PDE3B: variants seen among roughly 807,000 people sequenced by gnomAD.
The protein encoded by PDE3B is cGMP-inhibited 3',5'-cyclic phosphodiesterase 3B.
PDE3B carries 66 observed loss-of-function variants against 116.8 expected under a neutral mutation model. The observed-to-expected ratio is 0.56, with a 90% CI of 0.46 to 0.69. PDE3B has a LOEUF of 0.69. Ranked by LOEUF, PDE3B falls within the 30% of genes least tolerant of loss-of-function variation. The probability of loss-of-function intolerance (pLI) is 0.00; values close to 1 mark genes in which losing one functional copy is unlikely to be tolerated. For missense variants in PDE3B, 1,384 were observed against 1,368.1 expected (o/e 1.01, Z -0.18); for synonymous variants, 595 against 533.6 (o/e 1.12, Z -1.59).
At position 14,666,128 on chromosome 11, in the gene PDE3B, G is replaced by A. The variant is rs1385876696; in HGVS notation, c.978+21075G>A. On this transcript the variant is annotated intron_variant, in intron 1 of 15. Coordinates refer to ENST00000282096, the MANE Select transcript of PDE3B (RefSeq NM_000922.4). ...GAACAGAGCCCTCAGAAATAACGCC[G>A]CATATCTACAACTATCTGATCTTTG... Among the ~76,000 whole-genome samples the A allele has an allele frequency of 1.1e-3, 160 of 148,552 alleles. 2 individuals are homozygous for A. The highest frequency in any genetic ancestry group is 7.1e-3 in the South Asian group (33 of 4,624).
intron 1 of PDE3B, among the ~76,000 whole-genome samples, chr11:14,686,696 G>GA (rs1373331099): frequency 6.6e-6 from 1 of 151,890 alleles, no homozygotes; most frequent in African/African-American, 2.4e-5. Context: ...TTAACAAACT[G>GA]AATATCATTC....
chr11:14,711,274 CCTT>C (rs1310278174), intron 1 of PDE3B, among the ~76,000 whole-genome samples: 3 of 152,064 alleles, frequency 2.0e-5, no homozygotes, highest in Admixed American at 2.0e-4. Context: ...CTTTAATGTC[CCTT>C]CTTATATGAC....
intron 12 of PDE3B, among the ~76,000 whole-genome samples, chr11:14,850,945 C>T (rs1395214915): frequency 6.6e-6 from 1 of 150,818 alleles, no homozygotes; most frequent in Non-Finnish European, 1.5e-5. Flanking sequence ...TATCCTGCCT[C>T]AGTCTTTGGA....
the PDE3B span, among the ~76,000 whole-genome samples, chr11:14,884,888 TTG>T: frequency 6.6e-6 from 1 of 152,072 alleles, no homozygotes; most frequent in African/African-American, 2.4e-5. Context: ...TCTATTATAA[TTG>T]TGGCTGCTTC....
At chr11:14,711,057 C>G (rs1855687794) in intron 1 of PDE3B, among the ~76,000 whole-genome samples, 1 of 152,054 alleles carries the variant, frequency 6.6e-6, no homozygotes, top group East Asian at 1.9e-4. Flanking sequence ...TAAGGAAGAT[C>G]TCTGAGTTTA....
chr11:14,813,191 A>G (rs1311962927), intron 5 of PDE3B, among the ~76,000 whole-genome samples: 1 of 152,226 alleles, frequency 6.6e-6, no homozygotes, highest in Admixed American at 6.5e-5. Context: ...TCAAATTACC[A>G]TATGCTTAGT....
chr11:14,892,006 C>T, the PDE3B span: 2 of 1,613,480 alleles, frequency 1.2e-6, no homozygotes, highest in East Asian at 2.2e-5. Context: ...GCTCTGCTTT[C>T]TCATGTAGAC....
chr11:14,739,515 G>A (rs1856702233), intron 1 of PDE3B, among the ~76,000 whole-genome samples: 1 of 152,138 alleles, frequency 6.6e-6, no homozygotes, highest in Admixed American at 6.6e-5. Flanking sequence ...GAGATGATGG[G>A]TTTTTCTAGA....
At chr11:14,846,080 C>A (rs1847595189) in intron 12 of PDE3B, among the ~76,000 whole-genome samples, 1 of 152,178 alleles carries the variant, frequency 6.6e-6, no homozygotes, top group Admixed American at 6.6e-5. Context: ...ATGTTAAGGG[C>A]AGCCAGAGAG....
At chr11:14,721,480 T>C (rs1856078296) in intron 1 of PDE3B, among the ~76,000 whole-genome samples, 1 of 151,546 alleles carries the variant, frequency 6.6e-6, no homozygotes, top group African/African-American at 2.4e-5. Context: ...CACACGTATG[T>C]TTATTGTGGC....
intron 7 of PDE3B, among the ~76,000 whole-genome samples, chr11:14,824,357 A>G (rs1859621250): frequency 6.6e-6 from 1 of 152,224 alleles, no homozygotes; most frequent in African/African-American, 2.4e-5. Context: ...CAAGATCAGG[A>G]GAATGGCAAA....
At position 14,869,495 on chromosome 11, in the gene PDE3B, T is replaced by A. The variant is rs376064357; in HGVS notation, c.3174T>A (p.Phe1058Leu). Residue 1058 changes from phenylalanine (F) to leucine (L), a missense_variant, in exon 16 of 16, where the codon TTT becomes TTA. Around this residue, in one of 2 missense-constraint regions of PDE3B, gnomAD observed 428 missense variants for 561.4 expected, o/e 0.76. Coordinates refer to ENST00000282096, the MANE Select transcript of PDE3B (RefSeq NM_000922.4). ...PPRRKSRRRI[F>L]CQLMHHLTEN... is the part of the protein sequence containing the mutation. Reference sequence around the variant, plus strand: ...GAAGGAAAAGCAGACGGCGAATATTTTGTCAGCTAATGCACCACCTCACTG... The same window carrying A: ...GAAGGAAAAGCAGACGGCGAATATTATGTCAGCTAATGCACCACCTCACTG... 1 of 1,613,388 alleles carries A rather than the reference T, an allele frequency of 6.2e-7. No homozygotes were observed. Among genetic ancestry groups the A allele is most frequent in the Non-Finnish European group, 8.5e-7 (1 of 1,179,860 alleles).
Position 14,653,640 on chromosome 11 carries a change from G to A in PDE3B, c.978+8587G>A, listed in dbSNP as rs140261221. 4.7e-4 allele frequency among the ~76,000 whole-genome samples: 71 copies of A among 151,972 alleles called. 1 individual carries two copies. The highest frequency in any genetic ancestry group is 6.2e-4 in the South Asian group (3 of 4,812). On this transcript the variant is annotated intron_variant, in intron 1 of 15. Coordinates refer to ENST00000282096, the MANE Select transcript of PDE3B (RefSeq NM_000922.4). ...GATTATATAAGAAATATAAAAACAC[G>A]TTTATTATGATGAAAGAAATAAAAT...
At position 14,870,909 on chromosome 11, in the gene PDE3B, C is replaced by G. The variant is rs997502256; in HGVS notation, c.*1249C>G. Reference sequence around the variant, plus strand: ...ATTAAAATAATTGCAAGAAAATGGACCATATTTACAATGTTTTGTAAACTT... The same window carrying G: ...ATTAAAATAATTGCAAGAAAATGGAGCATATTTACAATGTTTTGTAAACTT... On this transcript the variant is annotated 3_prime_UTR_variant, in exon 16 of 16. Coordinates refer to ENST00000282096, the MANE Select transcript of PDE3B (RefSeq NM_000922.4). The surrounding 1 kb of genome is among the most constrained non-coding windows in gnomAD (Gnocchi z 4.1). The G allele has an allele frequency of 3.3e-5, 5 of 152,040 alleles. No individual in the cohort carries two copies. 9.4% of individuals were successfully genotyped at this position (152,040 alleles called of 1,614,324 possible). A position where few individuals can be genotyped will look rare whatever the true frequency, so the allele number is the denominator to read the frequency against.
At chr11:14,712,587 G>T (rs1855741624) in intron 1 of PDE3B, among the ~76,000 whole-genome samples, 1 of 143,124 alleles carries the variant, frequency 7.0e-6, no homozygotes. Context: ...TGATTCTCCT[G>T]CCTCAGCCTC....
chr11:14,892,828 T>G, the PDE3B span, among the ~76,000 whole-genome samples: 1 of 152,264 alleles, frequency 6.6e-6, no homozygotes, highest in Non-Finnish European at 1.5e-5. Context: ...TTACCTATAT[T>G]TGACCCCTCT....
intron 1 of PDE3B, among the ~76,000 whole-genome samples, chr11:14,723,772 A>C (rs1360904054): frequency 1.3e-5 from 2 of 152,044 alleles, no homozygotes; most frequent in Admixed American, 6.5e-5. Flanking sequence ...AAAAAAAAAA[A>C]CAAAAACCAG....
chr11:14,692,480 A>T (rs187200363), intron 1 of PDE3B, among the ~76,000 whole-genome samples: 3 of 152,244 alleles, frequency 2.0e-5, no homozygotes, highest in African/African-American at 7.2e-5. Flanking sequence ...GTGTTGAGCA[A>T]GTCTGTTGGC....
intron 1 of PDE3B, among the ~76,000 whole-genome samples, chr11:14,685,446 CTT>C (rs71044017): frequency 3.5e-5 from 3 of 86,304 alleles, no homozygotes; most frequent in African/African-American, 7.2e-5. Flanking sequence ...TTTTTCTCAT[CTT>C]TTTTTTTTTT....
Sources: allele counts gnomAD v4.1 joint callset (sites outside exome capture counted in the v4.1 genomes callset), GRCh38; gene constraint gnomAD v4.1.1; regional missense constraint gnomAD v4.1.1; non-coding constraint Gnocchi (gnomAD v3.1); transcripts MANE v1.5; gene names NCBI Gene and HGNC (gene_info 2026-07-23, HGNC 2026-07-21).